The following NFIC variants were observed in gnomAD, a reference collection of about 807,000 sequenced individuals.
NFIC encodes nuclear factor 1 C-type.
Under a neutral mutation model 54.4 loss-of-function variants are expected in NFIC, and 12 were observed. The observed-to-expected ratio is 0.22, with a 90% CI of 0.14 to 0.36. The LOEUF (loss-of-function observed/expected upper bound fraction) is 0.36. Among genes scored for constraint, NFIC ranks in the 10% least tolerant of loss-of-function variants. NFIC has a pLI of 1.00. For missense variants in NFIC, 575 were observed against 718.2 expected (o/e 0.80, Z 2.28); for synonymous variants, 322 against 319.2 (o/e 1.01, Z -0.09).
At chr19:3,434,838 G>A (rs2082172868) in intron 5 of NFIC, among the ~76,000 whole-genome samples, 1 of 152,168 alleles carries the variant, frequency 6.6e-6, no homozygotes, top group Non-Finnish European at 1.5e-5. Flanking sequence ...CACCATGCTA[G>A]CTTGGTGTCC....
rs115822085 is a variant in NFIC at position 3,420,532 on chromosome 19, A to G, written c.563-4574A>G. ...GCACTCCAGTCCTGGCAACAAGAGAACAAGAGCGAGATTCCATCTCAAAAA... is the reference window on the plus strand; with the variant it reads ...GCACTCCAGTCCTGGCAACAAGAGAGCAAGAGCGAGATTCCATCTCAAAAA... On this transcript the variant is annotated intron_variant, in intron 2 of 10. Transcript: ENST00000443272. Among the ~76,000 whole-genome samples the G allele has an allele frequency of 5.1e-3, 761 of 148,886 alleles. 9 individuals are homozygous for G. Among genetic ancestry groups the G allele is most frequent in the African/African-American group, 0.018 (732 of 40,234 alleles).
intron 2 of NFIC, among the ~76,000 whole-genome samples, chr19:3,417,635 T>C (rs2081883345): frequency 6.8e-6 from 1 of 146,354 alleles, no homozygotes; most frequent in African/African-American, 2.5e-5. Flanking sequence ...TTTTTTTTTT[T>C]TTTTTTTTGA....
Position 3,394,519 on chromosome 19 carries a change from A to AC in NFIC, c.562+12279dup, listed in dbSNP as rs138210089. Among the ~76,000 whole-genome samples the AC allele has an allele frequency of 4.2e-4, 20 of 47,344 alleles. 1 individual carries two copies. The highest frequency in any genetic ancestry group is 3.2e-3 in the East Asian group (3 of 938). 31.1% of individuals were successfully genotyped at this position (47,344 alleles called of 152,430 possible). On this transcript the variant is annotated intron_variant, in intron 2 of 10. Coordinates refer to ENST00000443272, the MANE Select transcript of NFIC (RefSeq NM_001245002.2). ...CGAGGTATTTTATGATCTTTTCCCCACCCACCCCCCACCCGCTTACACTAA... is the reference window on the plus strand; with the variant it reads ...CGAGGTATTTTATGATCTTTTCCCCACCCCACCCCCCACCCGCTTACACTAA...
At chr19:3,435,032 C>G in intron 5 of NFIC, 51 bp from the exon 6 acceptor site, 7 of 1,511,102 alleles carry the variant, frequency 4.6e-6, no homozygotes, top group South Asian at 3.7e-5. Context: ...GTCGCGCCCC[C>G]CGCCCCGCGT....
intron 2 of NFIC, among the ~76,000 whole-genome samples, chr19:3,391,263 C>T (rs563515327): frequency 5.9e-5 from 9 of 151,504 alleles, no homozygotes; most frequent in Non-Finnish European, 1.3e-4. Context: ...CCAGAACCAC[C>T]CCCACCAAAA....
chr19:3,365,914 C>A (rs2080873667), upstream of NFIC, among the ~76,000 whole-genome samples: 1 of 152,216 alleles, frequency 6.6e-6, no homozygotes, highest in African/African-American at 2.4e-5. Context: ...CCCTGCCTGG[C>A]TCTGGGGGGA....
At chr19:3,420,556 A>ATAAATAAAT (rs1555751893) in intron 2 of NFIC, among the ~76,000 whole-genome samples, 1 of 142,680 alleles carries the variant, frequency 7.0e-6, no homozygotes, top group Admixed American at 7.1e-5. Flanking sequence ...CCATCTCAAA[A>ATAAATAAAT]AAATAAATAA....
At chr19:3,378,773 C>T (rs1208548476) in intron 1 of NFIC, among the ~76,000 whole-genome samples, 1 of 152,174 alleles carries the variant, frequency 6.6e-6, no homozygotes, top group East Asian at 1.9e-4. Context: ...CCCCTCTCCC[C>T]AGTTCTGAAC....
chr19:3,388,242 G>A (rs1444085670), intron 2 of NFIC, among the ~76,000 whole-genome samples: 1 of 152,196 alleles, frequency 6.6e-6, no homozygotes, highest in Non-Finnish European at 1.5e-5. Context: ...AACATGGGAG[G>A]GGGAGTTCCC....
intron 2 of NFIC, among the ~76,000 whole-genome samples, chr19:3,415,604 T>C (rs932864337): frequency 2.6e-5 from 4 of 152,032 alleles, no homozygotes; most frequent in Non-Finnish European, 5.9e-5. Context: ...CCAGATCTGC[T>C]TCCCTCCCAG....
chr19:3,374,368 G>A (rs979933350), intron 1 of NFIC, among the ~76,000 whole-genome samples: 3 of 152,178 alleles, frequency 2.0e-5, no homozygotes, highest in African/African-American at 7.2e-5. Context: ...CCATCACCTT[G>A]CAAGGAACAA....
chr19:3,370,763 TGAGCTGGCCTCC>T lies in NFIC; in HGVS notation c.30+4098_30+4109del, dbSNP rs1206541301. Among the ~76,000 whole-genome samples, 1 of 152,080 alleles carries T rather than the reference TGAGCTGGCCTCC, an allele frequency of 6.6e-6. No individual in the cohort carries two copies. Among genetic ancestry groups the T allele is most frequent in the Non-Finnish European group, 1.5e-5 (1 of 68,026 alleles). ...TCTTCTTTCTCTCTCTCTGTCTCTC[TGAGCTGGCCTCC>T]CTCCCTGTCTCACACCAAATGGATG... On this transcript the variant is annotated intron_variant, in intron 1 of 10. Transcript: ENST00000443272. The surrounding 1 kb of genome is among the most constrained non-coding windows in gnomAD (Gnocchi z 5.2).
At position 3,434,901 on chromosome 19, in the gene NFIC, T is replaced by C. The variant is rs1018549698; in HGVS notation, c.834-182T>C. 1.2e-4 allele frequency: 92 copies of C among 761,250 alleles called. No individual in the cohort carries two copies. The African/African-American group carries it at 1.4e-3, about 11-fold the overall frequency. The allele number at this position is 761,250 out of a possible 1,614,324, so 47.2% of individuals were successfully genotyped here. The stretch of plus-strand genomic sequence containing the variant: ...TGGCCCGGGTGTCCCATCCAAGCAA[T>C]GGACAGGTTGGAACAGGCGTTCGTA... On this transcript the variant is annotated intron_variant, in intron 5 of 10. Transcript: ENST00000443272.
intron 6 of NFIC, among the ~76,000 whole-genome samples, chr19:3,438,429 CTTTTTTT>C (rs59788026): frequency 7.3e-5 from 9 of 124,096 alleles, no homozygotes; most frequent in South Asian, 2.6e-4. Flanking sequence ...CTGAGGGTTT[CTTTTTTT>C]TTTTTTTTTT....
At chr19:3,386,509 G>A (rs183971029) in intron 2 of NFIC, among the ~76,000 whole-genome samples, 1 of 152,048 alleles carries the variant, frequency 6.6e-6, no homozygotes, top group African/African-American at 2.4e-5. Context: ...TTTTAGTAGA[G>A]ACGGGCTTTC....
At chr19:3,390,564 C>T (rs1379772760) in intron 2 of NFIC, among the ~76,000 whole-genome samples, 1 of 152,164 alleles carries the variant, frequency 6.6e-6, no homozygotes, top group African/African-American at 2.4e-5. Flanking sequence ...TTTCCTCCCC[C>T]ATCAAATGGG....
intron 2 of NFIC, among the ~76,000 whole-genome samples, chr19:3,389,754 G>A (rs1214070000): frequency 6.6e-6 from 1 of 152,074 alleles, no homozygotes; most frequent in Non-Finnish European, 1.5e-5. Flanking sequence ...AGGCCCAGGC[G>A]GGTGGATCAC....
chr19:3,394,726 C>G (rs2081435383), intron 2 of NFIC, among the ~76,000 whole-genome samples: 1 of 151,904 alleles, frequency 6.6e-6, no homozygotes, highest in South Asian at 2.1e-4. Context: ...GAGCTTAGGG[C>G]AAGTGACCAT....
chr19:3,404,285 C>T (rs1025671262), intron 2 of NFIC, among the ~76,000 whole-genome samples: 1 of 152,092 alleles, frequency 6.6e-6, no homozygotes, highest in African/African-American at 2.4e-5. Context: ...CCCCCCACCC[C>T]GGGTGGCGTT....
Sources: gnomAD v4.1 joint callset for allele counts (sites outside exome capture counted in the v4.1 genomes callset) on GRCh38, gnomAD v4.1.1 for gene constraint, Gnocchi (gnomAD v3.1) non-coding constraint, MANE v1.5 for transcripts, NCBI Gene and HGNC (gene_info 2026-07-23, HGNC 2026-07-21) for gene names.